The following MSRB3 variants were observed in gnomAD, a reference collection of about 807,000 sequenced individuals.
MSRB3 encodes the protein methionine-R-sulfoxide reductase B3.
A neutral mutation model predicts 21.0 loss-of-function variants in MSRB3; 13 were observed. That is an observed-to-expected ratio of 0.62 (90% confidence interval 0.40 to 0.98). The LOEUF (loss-of-function observed/expected upper bound fraction) is 0.98, where lower values mean the gene tolerates loss of function less well. MSRB3 is among the 50% of genes least tolerant of loss of function. MSRB3 has a pLI of 0.00. For missense variants in MSRB3, 199 were observed against 230.3 expected (o/e 0.86, Z 0.88); for synonymous variants, 87 against 88.6 (o/e 0.98, Z 0.10).
chr12:65,390,233 GT>G (rs1879403438), intron 5 of MSRB3, among the ~76,000 whole-genome samples: 1 of 152,052 alleles, frequency 6.6e-6, no homozygotes, highest in South Asian at 2.1e-4. Flanking sequence ...ATAAACTCAA[GT>G]CATACTGTCT....
At position 65,419,570 on chromosome 12, in the gene MSRB3, C is replaced by T; in HGVS notation, c.293-34158C>T. 8.2e-6 allele frequency: 6 copies of T among 735,888 alleles called. 1 individual carries two copies. In the South Asian group the frequency reaches 8.3e-5, roughly 10 times the overall value. 45.6% of individuals were successfully genotyped at this position (735,888 alleles called of 1,614,324 possible). A position where few individuals can be genotyped will look rare whatever the true frequency, so the allele number is the denominator to read the frequency against. On this transcript the variant is annotated intron_variant, in intron 5 of 6. Transcript: ENST00000308259. ...AGATGGGCATTGTCGATCTGCAGAA[C>T]AATGTGGACATTGTCCACAGTATTT...
chr12:65,351,055 G>C (rs926247849), intron 4 of MSRB3, among the ~76,000 whole-genome samples: 1 of 151,854 alleles, frequency 6.6e-6, no homozygotes, highest in South Asian at 2.1e-4. Flanking sequence ...TGACCACATA[G>C]TTGGAAGTAA....
At chr12:65,418,731 C>T (rs2136638704) in intron 5 of MSRB3, 1 of 900,172 alleles carries the variant, frequency 1.1e-6, no homozygotes, top group Non-Finnish European at 1.8e-6. Flanking sequence ...CTTAATGTCT[C>T]AGAACTTTGG....
chr12:65,439,590 TAATC>T (rs1414276131), intron 5 of MSRB3, among the ~76,000 whole-genome samples: 2 of 151,618 alleles, frequency 1.3e-5, no homozygotes, highest in Non-Finnish European at 3.0e-5. Context: ...ATTTTTATAA[TAATC>T]CAATGAAACT....
At chr12:65,318,698 C>A (rs1874468857) in intron 2 of MSRB3, among the ~76,000 whole-genome samples, 1 of 152,148 alleles carries the variant, frequency 6.6e-6, no homozygotes, top group Non-Finnish European at 1.5e-5. Context: ...ATACGCCTTG[C>A]AAGCAAGAAA....
At chr12:65,409,058 T>C (rs1269231134) in intron 5 of MSRB3, among the ~76,000 whole-genome samples, 1 of 152,080 alleles carries the variant, frequency 6.6e-6, no homozygotes, top group Non-Finnish European at 1.5e-5. Flanking sequence ...TCTGGAGTTT[T>C]AAACTCTTAA....
chr12:65,313,153 C>G (rs1374049262), intron 2 of MSRB3, among the ~76,000 whole-genome samples: 1 of 152,110 alleles, frequency 6.6e-6, no homozygotes, highest in Non-Finnish European at 1.5e-5. Context: ...ACGTAGTATA[C>G]TTAGCATAAG....
At chr12:65,309,063 G>A in intron 2 of MSRB3, 9 of 216,644 alleles carry the variant, frequency 4.2e-5, no homozygotes, top group East Asian at 3.1e-4. Context: ...CATTCCTTTA[G>A]GAAAAAATGA....
intron 5 of MSRB3, chr12:65,419,591 T>C (rs1881169227): frequency 1.4e-6 from 1 of 725,810 alleles, no homozygotes; most frequent in African/African-American, 1.7e-5. Context: ...TTGTCCACAG[T>C]ATTTGTGAAG....
At chr12:65,379,127 A>G (rs1334453848) in intron 5 of MSRB3, among the ~76,000 whole-genome samples, 1 of 152,120 alleles carries the variant, frequency 6.6e-6, no homozygotes, top group African/African-American at 2.4e-5. Flanking sequence ...GAGACCTCTT[A>G]TGACTTAAAT....
intron 5 of MSRB3, among the ~76,000 whole-genome samples, chr12:65,444,730 TACTTA>T (rs1882536120): frequency 6.6e-6 from 1 of 152,178 alleles, no homozygotes; most frequent in African/African-American, 2.4e-5. Flanking sequence ...TCTCAGGTCT[TACTTA>T]ACTTGTCCTT....
At chr12:65,413,967 G>GTA (rs2136630006) in intron 5 of MSRB3, among the ~76,000 whole-genome samples, 1 of 152,266 alleles carries the variant, frequency 6.6e-6, no homozygotes, top group African/African-American at 2.4e-5. Flanking sequence ...TATGATAAAT[G>GTA]TATACCTGGT....
At chr12:65,382,732 T>C (rs1242507813) in intron 5 of MSRB3, among the ~76,000 whole-genome samples, 3 of 151,946 alleles carry the variant, frequency 2.0e-5, no homozygotes, top group Admixed American at 6.5e-5. Context: ...TGTACTAATA[T>C]ATTTATTTTT....
chr12:65,326,985 CT>C (rs1399288333), intron 3 of MSRB3, 51 bp downstream of exon 3: 4 of 1,352,000 alleles, frequency 3.0e-6, no homozygotes, highest in African/African-American at 1.4e-5. Flanking sequence ...TCTTCTCCCC[CT>C]GCCCTCTGCA....
chr12:65,350,418 A>G (rs911634833), intron 4 of MSRB3, among the ~76,000 whole-genome samples: 3 of 151,870 alleles, frequency 2.0e-5, no homozygotes, highest in Non-Finnish European at 4.4e-5. Flanking sequence ...GAGCAAAATC[A>G]CCAGCTAACA....
At chr12:65,279,092 A>G in intron 1 of MSRB3, 3 of 1,381,048 alleles carry the variant, frequency 2.2e-6, no homozygotes, top group African/African-American at 1.5e-5. Flanking sequence ...GTTTCCCCCC[A>G]CCCGCCGAAG....
At chr12:65,337,724 A>G (rs987586911) in intron 4 of MSRB3, among the ~76,000 whole-genome samples, 4 of 152,188 alleles carry the variant, frequency 2.6e-5, no homozygotes, top group African/African-American at 4.8e-5. Flanking sequence ...CTAAGTCGGT[A>G]TAACTGGCTT....
At chr12:65,442,695 A>G (rs1361346958) in intron 5 of MSRB3, among the ~76,000 whole-genome samples, 3 of 152,086 alleles carry the variant, frequency 2.0e-5, no homozygotes, top group Non-Finnish European at 4.4e-5. Context: ...TAAAATAATC[A>G]TCTAAAGTTG....
chr12:65,451,102 A>T (rs976309431), intron 5 of MSRB3, among the ~76,000 whole-genome samples: 1 of 152,150 alleles, frequency 6.6e-6, no homozygotes, highest in East Asian at 1.9e-4. Flanking sequence ...AATGCGTTCC[A>T]CCACAGTGAG....
Sources: allele counts gnomAD v4.1 joint callset (sites outside exome capture counted in the v4.1 genomes callset), GRCh38; gene constraint gnomAD v4.1.1; transcripts MANE v1.5; gene names NCBI Gene and HGNC (gene_info 2026-07-23, HGNC 2026-07-21).